Variants in TFAP2B observed in about 807,000 individuals in gnomAD.
TFAP2B encodes the protein transcription factor AP-2-beta.
In TFAP2B, 9 loss-of-function variants were observed where a neutral mutation model predicts 44.3. The observed-to-expected ratio is 0.20, with a 90% CI of 0.12 to 0.35. The LOEUF (loss-of-function observed/expected upper bound fraction) is 0.35, where lower values mean the gene tolerates loss of function less well. Among genes scored for constraint, TFAP2B ranks in the 10% least tolerant of loss-of-function variants. TFAP2B has a pLI of 1.00. For synonymous variants in TFAP2B, 270 were observed against 263.8 expected (o/e 1.02, Z -0.23); for missense variants, 509 against 600.0 (o/e 0.85, Z 1.59).
rs1409989172 is a variant in TFAP2B at position 50,846,235 on chromosome 6, T to C, written c.*2843T>C. 6.6e-6 allele frequency: 1 copy of C among 152,486 alleles called. No individual in the cohort carries two copies. The highest frequency in any genetic ancestry group is 2.1e-4 in the South Asian group (1 of 4,776). The allele number at this position is 152,486 out of a possible 1,614,324, so 9.4% of individuals were successfully genotyped here. A position where few individuals can be genotyped will look rare whatever the true frequency, so the allele number is the denominator to read the frequency against. ...TTCGTGGAGTGAGCCCACTACCCCTTCTCCCTCCCTCACTTCTCCTTTCAT... is the reference window on the plus strand; with the variant it reads ...TTCGTGGAGTGAGCCCACTACCCCTCCTCCCTCCCTCACTTCTCCTTTCAT... On this transcript the variant is annotated 3_prime_UTR_variant, in exon 7 of 7. Transcript: ENST00000393655.
In TFAP2B at chr6:50,841,719, G is replaced by A. The variant is rs138671788; in HGVS notation, c.1083-1373G>A. On this transcript the variant is annotated intron_variant, in intron 6 of 6. Coordinates refer to ENST00000393655, the MANE Select transcript of TFAP2B (RefSeq NM_003221.4). ...TGGAGGTGGGGGCCTGGGAGTGTGT[G>A]TTTGAACCCCACAGGTGTTTCTAAG... is the stretch of plus-strand genomic sequence containing the variant. Among the ~76,000 whole-genome samples the A allele has an allele frequency of 6.7e-4, 102 of 152,268 alleles. 1 individual carries two copies. The highest frequency in any genetic ancestry group is 2.3e-3 in the African/African-American group (97 of 41,548).
At chr6:50,836,308 AAAACAAAAAAAC>A in intron 4 of TFAP2B, 28 bp downstream of exon 4, 1 of 1,578,112 alleles carries the variant, frequency 6.3e-7, no homozygotes, top group Non-Finnish European at 8.7e-7. Flanking sequence ...AACAAAAACA[AAAACAAAAAAAC>A]AAACAAAAAC....
intron 1 of TFAP2B, among the ~76,000 whole-genome samples, chr6:50,819,843 GGC>G (rs1770281078): frequency 8.8e-6 from 1 of 113,768 alleles, no homozygotes; most frequent in African/African-American, 3.7e-5. Flanking sequence ...GGCCGAGGCG[GGC>G]GAGGTGGGAG....
chr6:50,828,779 A>G (rs1438438961), intron 3 of TFAP2B, 100 bp downstream of exon 3: 3 of 1,379,508 alleles, frequency 2.2e-6, no homozygotes, highest in East Asian at 4.6e-5. Context: ...TTGACAAGAC[A>G]TAAATGTTTG....
intron 3 of TFAP2B, among the ~76,000 whole-genome samples, chr6:50,832,396 G>A (rs2113944145): frequency 6.6e-6 from 1 of 152,222 alleles, no homozygotes; most frequent in East Asian, 1.9e-4. Flanking sequence ...AATACTGGAT[G>A]TTTGAGTTTT....
chr6:50,833,749 C>T (rs1332276733), intron 3 of TFAP2B, among the ~76,000 whole-genome samples: 1 of 151,002 alleles, frequency 6.6e-6, no homozygotes, highest in Non-Finnish European at 1.5e-5. Context: ...CTTTAAAGGC[C>T]CGGCTTTTCC....
intron 1 of TFAP2B, chr6:50,822,118 A>T (rs1210571667): frequency 7.7e-7 from 1 of 1,302,120 alleles, no homozygotes; most frequent in Non-Finnish European, 1.0e-6. Context: ...AGCAGTAACC[A>T]GGCTTTTTTT....
At chr6:50,840,339 G>T in intron 6 of TFAP2B, 42 bp downstream of exon 6, 1 of 1,609,652 alleles carries the variant, frequency 6.2e-7, no homozygotes, top group South Asian at 1.1e-5. Context: ...ACTCCCAGCT[G>T]GCTAGGCCAC....
At chr6:50,826,634 T>A (rs1770516559) in intron 2 of TFAP2B, among the ~76,000 whole-genome samples, 1 of 149,156 alleles carries the variant, frequency 6.7e-6, no homozygotes, top group South Asian at 2.3e-4. Flanking sequence ...TGTTAAAAAC[T>A]CAGGAAAACA....
At chr6:50,830,957 TA>T (rs953842011) in intron 3 of TFAP2B, among the ~76,000 whole-genome samples, 24 of 151,818 alleles carry the variant, frequency 1.6e-4, no homozygotes, top group Non-Finnish European at 2.4e-4. Flanking sequence ...TTTAGGCAGA[TA>T]AAAAAAAATT....
intron 5 of TFAP2B, 62 bp downstream of exon 5, chr6:50,838,155 C>A: frequency 8.4e-7 from 1 of 1,192,412 alleles, no homozygotes; most frequent in Non-Finnish European, 1.3e-6. Context: ...TGGAGGCTGA[C>A]ATTTTACACA....
intron 2 of TFAP2B, among the ~76,000 whole-genome samples, chr6:50,825,926 G>A (rs148402982): frequency 1.3e-4 from 20 of 152,314 alleles, no homozygotes; most frequent in African/African-American, 4.8e-4. Flanking sequence ...GACAGGGACG[G>A]TCTCTGCCTC....
At chr6:50,837,887 A>G (rs891779362) in intron 4 of TFAP2B, 88 bp from the exon 5 acceptor site, 2 of 1,060,246 alleles carry the variant, frequency 1.9e-6, no homozygotes, top group East Asian at 2.4e-5. Flanking sequence ...AACCTCTTCA[A>G]GCTCCACTGG....
chr6:50,823,703 G>C lies in TFAP2B; in HGVS notation c.378G>C (p.Arg126=). 6.2e-7 allele frequency: 1 copy of C among 1,613,454 alleles called. No homozygotes were observed. The change falls in exon 2 of 7, where the codon CGG becomes CGC. Residue 126 remains arginine (R), a synonymous_variant. Coordinates refer to ENST00000393655, the MANE Select transcript of TFAP2B (RefSeq NM_003221.4). ...CCGGCTCTCTCCTGCCCCAGCCTCG[G>C]GCCGCCTTGCCCCAGCTCTCGGGCC... is the stretch of plus-strand genomic sequence containing the variant. ...SEAGSLLPQP[R]AALPQLSGLD...
intron 3 of TFAP2B, 126 bp from the exon 4 acceptor site, chr6:50,835,935 A>T: frequency 1.2e-6 from 1 of 837,372 alleles, no homozygotes; most frequent in South Asian, 1.3e-5. Flanking sequence ...CACTGGAATA[A>T]ACACTTCCTC....
chr6:50,822,148 C>T (rs1316475095), intron 1 of TFAP2B: 1 of 1,303,696 alleles, frequency 7.7e-7, no homozygotes, highest in Admixed American at 2.3e-5. Flanking sequence ...TAGTCCACAC[C>T]TATTCATCCA....
intron 6 of TFAP2B, among the ~76,000 whole-genome samples, chr6:50,842,616 G>A (rs548792557): frequency 1.3e-5 from 2 of 152,366 alleles, no homozygotes; most frequent in Admixed American, 1.3e-4. Context: ...GAAGGCTCCA[G>A]CAATCTGCTT....
intron 2 of TFAP2B, among the ~76,000 whole-genome samples, chr6:50,824,940 T>C (rs1233038322): frequency 6.6e-6 from 1 of 152,212 alleles, no homozygotes. Context: ...ATTGGCATAG[T>C]TGTATTTATT....
chr6:50,840,410 T>G, intron 6 of TFAP2B, 113 bp downstream of exon 6: 1 of 1,388,966 alleles, frequency 7.2e-7, no homozygotes, highest in East Asian at 2.3e-5. Context: ...TGTCTAGAAG[T>G]AGCATTTGCA....
Sources: gnomAD v4.1 joint callset for allele counts (sites outside exome capture counted in the v4.1 genomes callset) on GRCh38, gnomAD v4.1.1 for gene constraint, MANE v1.5 for transcripts, NCBI Gene and HGNC (gene_info 2026-07-23, HGNC 2026-07-21) for gene names.